Variants in HIVEP1 observed in about 807,000 individuals in gnomAD.
The protein encoded by HIVEP1 is HIVEP zinc finger 1.
HIVEP1 carries 36 observed loss-of-function variants against 180.0 expected under a neutral mutation model. The ratio of observed to expected loss-of-function variants is 0.20; its 90% confidence interval spans 0.15 to 0.26. The LOEUF is 0.26. Among genes scored for constraint, HIVEP1 ranks in the 10% least tolerant of loss-of-function variants. HIVEP1 has a pLI of 1.00. For missense variants in HIVEP1, 3,143 were observed against 3,268.7 expected (o/e 0.96, Z 0.94); for synonymous variants, 1,239 against 1,239.0 (o/e 1.00, Z 0.00).
intron 2 of HIVEP1, among the ~76,000 whole-genome samples, chr6:12,071,584 A>G (rs1239723955): frequency 6.6e-6 from 1 of 152,240 alleles, no homozygotes; most frequent in East Asian, 1.9e-4. Context: ...GAAGCACTTT[A>G]AACAGAAGGT....
chr6:12,030,167 T>G (rs1768845760), intron 2 of HIVEP1, among the ~76,000 whole-genome samples: 2 of 152,316 alleles, frequency 1.3e-5, no homozygotes, highest in South Asian at 4.1e-4. Context: ...TTTATTGTGT[T>G]GTGTTTGTTT....
At chr6:12,082,502 C>A (rs554042713) in intron 2 of HIVEP1, among the ~76,000 whole-genome samples, 1 of 152,152 alleles carries the variant, frequency 6.6e-6, no homozygotes, top group East Asian at 1.9e-4. Context: ...TTGATACCCG[C>A]GGTCAAATTT....
chr6:12,016,264 T>C lies in HIVEP1; in HGVS notation c.40+596T>C, dbSNP rs78925881. On this transcript the variant is annotated intron_variant, in intron 2 of 8. Transcript: ENST00000379388. Reference sequence around the variant, plus strand: ...TGTTTTCCATCAACCGCGAATACTTTTAATAGTAGAAAAGTAAGTGTATTC... The same window carrying C: ...TGTTTTCCATCAACCGCGAATACTTCTAATAGTAGAAAAGTAAGTGTATTC... Among the ~76,000 whole-genome samples the C allele has an allele frequency of 6.3e-3, 964 of 152,342 alleles. 14 individuals are homozygous for C. The highest frequency in any genetic ancestry group is 0.022 in the African/African-American group (931 of 41,566).
rs759352713 is a variant in HIVEP1, at chr6:12,120,071, G to C, written c.276G>C (p.Glu92Asp). ...SSFAVLHSAS[E>D]SHKKQNYIPV... ...TCGCCGTTCTTCATAGTGCTTCGGA[G>C]TCTCACAAGAAACAGAATTATATTC... Residue 92 changes from glutamate (E) to aspartate (D), a missense_variant, in exon 4 of 9, where the codon GAG becomes GAC. By Grantham distance (45) the Glu-to-Asp change is conservative. Around this residue, in one of 12 missense-constraint regions of HIVEP1, gnomAD observed 114 missense variants for 134.5 expected, o/e 0.85. Transcript: ENST00000379388. 46 of 1,612,910 alleles carry C rather than the reference G, an allele frequency of 2.9e-5. No homozygotes were observed. Among genetic ancestry groups the C allele is most frequent in the Admixed American group, 6.7e-5 (4 of 59,714 alleles).
chr6:12,033,322 A>ATG (rs58465582), intron 2 of HIVEP1, among the ~76,000 whole-genome samples: 4,904 of 148,834 alleles, frequency 0.033, 100 homozygotes, highest in African/African-American at 0.059. Context: ...GTAGAGGAGC[A>ATG]TGTGTGTGTG....
Position 12,032,421 on chromosome 6 carries a change from C to T in HIVEP1, c.40+16753C>T, listed in dbSNP as rs552093632. Among the ~76,000 whole-genome samples the T allele has an allele frequency of 3.9e-5, 6 of 152,176 alleles. No individual in the cohort carries two copies. In the South Asian group the frequency reaches 1.0e-3, roughly 26 times the overall value. Reference sequence around the variant, plus strand: ...CCTCCCAAAGTGCTGGGATTACAGGCGTGAGCCACCGCGCCCGGCCATGAT... The same window carrying T: ...CCTCCCAAAGTGCTGGGATTACAGGTGTGAGCCACCGCGCCCGGCCATGAT... On this transcript the variant is annotated intron_variant, in intron 2 of 8. Coordinates refer to ENST00000379388, the MANE Select transcript of HIVEP1 (RefSeq NM_002114.4).
intron 2 of HIVEP1, chr6:12,020,149 C>G (rs1309852217): frequency 5.7e-6 from 2 of 348,798 alleles, no homozygotes; most frequent in African/African-American, 2.1e-5. Flanking sequence ...GATCTGTATA[C>G]TGTGTAGGAC....
intron 2 of HIVEP1, among the ~76,000 whole-genome samples, chr6:12,069,584 A>AG (rs1374188381): frequency 1.4e-5 from 1 of 72,290 alleles, no homozygotes; most frequent in African/African-American, 5.7e-5. Context: ...GGGTGGGGGG[A>AG]GGGGGGAGGG....
At chr6:12,080,967 C>G (rs1391392756) in intron 2 of HIVEP1, among the ~76,000 whole-genome samples, 1 of 151,998 alleles carries the variant, frequency 6.6e-6, no homozygotes, top group Non-Finnish European at 1.5e-5. Context: ...AAACCTGCAG[C>G]TCCCTCTATC....
intron 2 of HIVEP1, among the ~76,000 whole-genome samples, chr6:12,041,727 G>T (rs994178743): frequency 6.6e-6 from 1 of 152,086 alleles, no homozygotes; most frequent in Non-Finnish European, 1.5e-5. Flanking sequence ...TCAGTTGCTT[G>T]ATCTTGGCTC....
At chr6:12,088,045 C>T (rs1051589178) in intron 2 of HIVEP1, among the ~76,000 whole-genome samples, 2 of 152,260 alleles carry the variant, frequency 1.3e-5, no homozygotes, top group South Asian at 2.1e-4. Context: ...AATTGAAAGA[C>T]GTTTGATCTG....
intron 2 of HIVEP1, among the ~76,000 whole-genome samples, chr6:12,017,511 G>T (rs1767880435): frequency 6.6e-6 from 1 of 152,148 alleles, no homozygotes; most frequent in Non-Finnish European, 1.5e-5. Context: ...AGCTTCCACA[G>T]TCTGCAAGGG....
chr6:12,205,988 T>C, the HIVEP1 span, among the ~76,000 whole-genome samples: 1 of 152,146 alleles, frequency 6.6e-6, no homozygotes, highest in African/African-American at 2.4e-5. Context: ...CCAAAATTTA[T>C]GTGTGGAAGT....
intron 3 of HIVEP1, among the ~76,000 whole-genome samples, chr6:12,096,732 T>A (rs1418990972): frequency 6.6e-6 from 1 of 151,988 alleles, no homozygotes; most frequent in Non-Finnish European, 1.5e-5. Flanking sequence ...CCAATGACAC[T>A]CTTCCTTAAA....
intron 2 of HIVEP1, among the ~76,000 whole-genome samples, chr6:12,075,671 A>G (rs1445862633): frequency 1.3e-5 from 2 of 151,538 alleles, no homozygotes; most frequent in Admixed American, 6.6e-5. Flanking sequence ...CCATTTACCT[A>G]TCGTTCAGCT....
Position 12,125,316 on chromosome 6 carries a change from A to G in HIVEP1, c.5521A>G (p.Thr1841Ala). 1.2e-6 allele frequency: 2 copies of G among 1,614,000 alleles called. No individual in the cohort carries two copies. ...TNVLPADNSS[T>A]GCSKFVVIEP... ...TGTTTTACCAGCTGATAATTCATCA[A>G]CAGGATGCTCTAAATTTGTCGTTAT... Residue 1841 changes from threonine (T) to alanine (A), a missense_variant, in exon 4 of 9, where the codon ACA becomes GCA. Transcript: ENST00000379388.
rs571947226 is a variant in HIVEP1, at chr6:12,015,684, A to G, written c.40+16A>G. Reference sequence around the variant, plus strand: ...AATCTAAGAGGTAAAGCATTGCATTAAGTAGAAGTAAGGCTTGCTGTAAAT... The same window carrying G: ...AATCTAAGAGGTAAAGCATTGCATTGAGTAGAAGTAAGGCTTGCTGTAAAT... On this transcript the variant is annotated intron_variant, in intron 2 of 8. Transcript: ENST00000379388. 65 of 1,606,246 alleles carry G rather than the reference A, an allele frequency of 4.0e-5. 1 individual carries two copies. The East Asian group carries it at 1.4e-3, about 34-fold the overall frequency.
At position 12,164,261 on chromosome 6, in the gene HIVEP1, A is replaced by G. The variant is rs1326190874; in HGVS notation, c.7957A>G (p.Ile2653Val). Reference sequence around the variant, plus strand: ...GAAGCCCAAGCCTGAACTCACTTCCATACAGGGCCAACCAGCGTCCACGTC... The same window carrying G: ...GAAGCCCAAGCCTGAACTCACTTCCGTACAGGGCCAACCAGCGTCCACGTC... ...HVKPKPELTS[I>V]QGQPASTSQP... The change falls in exon 9 of 9, where the codon ATA becomes GTA. Residue 2653 changes from isoleucine (I) to valine (V), a missense_variant. Ile to Val is a conservative substitution (Grantham distance 29). This residue lies in a region of HIVEP1 where 595 missense variants were observed against 602.2 expected (regional missense o/e 0.99). Coordinates refer to ENST00000379388, the MANE Select transcript of HIVEP1 (RefSeq NM_002114.4). 1 of 1,614,128 alleles carries G rather than the reference A, an allele frequency of 6.2e-7. No homozygotes were observed. The highest frequency in any genetic ancestry group is 8.5e-7 in the Non-Finnish European group (1 of 1,180,028).
At chr6:12,135,769 G>A (rs750706297) in intron 6 of HIVEP1, 22 bp from the exon 7 acceptor site, 12 of 1,487,772 alleles carry the variant, frequency 8.1e-6, no homozygotes, top group African/African-American at 1.4e-5. Context: ...CTTAAGCTTA[G>A]TAAACATTCT....
Sources: gnomAD v4.1 joint callset for allele counts (sites outside exome capture counted in the v4.1 genomes callset) on GRCh38, gnomAD v4.1.1 for gene constraint, gnomAD v4.1.1 regional missense constraint, MANE v1.5 for transcripts, NCBI Gene and HGNC (gene_info 2026-07-23, HGNC 2026-07-21) for gene names.